CDK14: variants seen among roughly 807,000 people sequenced by gnomAD.
CDK14 encodes the protein cyclin dependent kinase 14.
In CDK14, 34 loss-of-function variants were observed where a neutral mutation model predicts 60.7. The observed-to-expected ratio is 0.56, with a 90% CI of 0.43 to 0.75. The LOEUF is 0.75. Among genes scored for constraint, CDK14 ranks in the 30% least tolerant of loss-of-function variants. The probability of loss-of-function intolerance (pLI) is 0.00; values close to 1 mark genes in which losing one functional copy is unlikely to be tolerated. For synonymous variants in CDK14, 197 were observed against 203.7 expected, an observed-to-expected ratio of 0.97 and a Z score of 0.28; for missense variants, 482 against 564.1, an observed-to-expected ratio of 0.85 and a Z score of 1.47.
chr7:90,947,735 A>G (rs1336676441), intron 8 of CDK14, among the ~76,000 whole-genome samples: 3 of 152,180 alleles, frequency 2.0e-5, no homozygotes, highest in African/African-American at 7.2e-5. Flanking sequence ...TTTAGGAAGG[A>G]AATGGGAAGA....
rs1794002867 is a variant in CDK14 at position 90,943,632 on chromosome 7, A to T, written c.827-12065A>T. 2.6e-5 allele frequency among the ~76,000 whole-genome samples: 4 copies of T among 152,192 alleles called. No homozygotes were observed. The South Asian group carries it at 8.3e-4, about 31-fold the overall frequency. ...TTAATAGACTTGTATTTTTATTTAC[A>T]ATATTCGTGTGCATCATAAACATAT... On this transcript the variant is annotated intron_variant, in intron 8 of 14. Coordinates refer to ENST00000380050, the MANE Select transcript of CDK14 (RefSeq NM_001287135.2).
At chr7:90,748,609 A>G (rs1803690006) in intron 4 of CDK14, among the ~76,000 whole-genome samples, 2 of 152,164 alleles carry the variant, frequency 1.3e-5, no homozygotes, top group South Asian at 2.1e-4. Context: ...CTGAGACAGC[A>G]TTTCGCCCTG....
chr7:90,856,574 A>G (rs1344987844), intron 5 of CDK14, among the ~76,000 whole-genome samples: 2 of 152,178 alleles, frequency 1.3e-5, no homozygotes, highest in African/African-American at 2.4e-5. Flanking sequence ...GCGTACGCAC[A>G]TGTTCTTTCT....
At chr7:91,111,691 G>A (rs967081248) in intron 12 of CDK14, among the ~76,000 whole-genome samples, 19 of 152,124 alleles carry the variant, frequency 1.2e-4, no homozygotes, top group African/African-American at 4.3e-4. Context: ...AGTGTTAAAA[G>A]TGCCTAGGAA....
intron 4 of CDK14, among the ~76,000 whole-genome samples, chr7:90,777,262 G>C (rs1169039796): frequency 6.6e-6 from 1 of 152,140 alleles, no homozygotes; most frequent in Non-Finnish European, 1.5e-5. Context: ...TTTCCAGTAA[G>C]GTGCTGTTTC....
intron 3 of CDK14, among the ~76,000 whole-genome samples, chr7:90,729,571 TCA>T (rs1019418701): frequency 5.3e-5 from 8 of 151,774 alleles, no homozygotes; most frequent in African/African-American, 1.7e-4. Context: ...CTGGAAGTTT[TCA>T]CAGTTTCTCT....
chr7:90,960,300 A>T (rs1794563074), intron 9 of CDK14, among the ~76,000 whole-genome samples: 2 of 152,190 alleles, frequency 1.3e-5, no homozygotes, highest in Admixed American at 1.3e-4. Context: ...TATCAACTAC[A>T]GTACTCCCCA....
intron 14 of CDK14, among the ~76,000 whole-genome samples, chr7:91,168,360 G>T (rs1370022504): frequency 6.6e-6 from 1 of 151,898 alleles, no homozygotes; most frequent in East Asian, 1.9e-4. Flanking sequence ...CTGGCACATA[G>T]GAAACATTTT....
At position 91,209,061 on chromosome 7, in the gene CDK14, A is replaced by G. The variant is rs192242688; in HGVS notation, c.*1925A>G. The G allele has an allele frequency of 6.6e-6, 1 of 152,586 alleles. No individual in the cohort carries two copies. Among genetic ancestry groups the G allele is most frequent in the African/African-American group, 2.4e-5 (1 of 41,434 alleles). 9.5% of individuals were successfully genotyped at this position (152,586 alleles called of 1,614,324 possible). The stretch of plus-strand genomic sequence containing the variant: ...AAACTTTACATGCAATTAAAAATGG[A>G]CTTTCCTGTGATTTGTTTTTAATCA... On this transcript the variant is annotated 3_prime_UTR_variant, in exon 15 of 15. Coordinates refer to ENST00000380050, the MANE Select transcript of CDK14 (RefSeq NM_001287135.2).
At chr7:90,636,907 C>A (rs1422914052) in intron 2 of CDK14, among the ~76,000 whole-genome samples, 1 of 150,852 alleles carries the variant, frequency 6.6e-6, no homozygotes, top group Non-Finnish European at 1.5e-5. Flanking sequence ...TCTAGATTTT[C>A]TAGTTTATTT....
intron 11 of CDK14, 136 bp downstream of exon 11, chr7:91,046,096 G>T (rs1026536843): frequency 2.6e-5 from 16 of 611,488 alleles, no homozygotes; most frequent in Admixed American, 1.1e-4. Context: ...TCTATTAATG[G>T]AATTGTCCTT....
intron 14 of CDK14, among the ~76,000 whole-genome samples, chr7:91,126,052 A>T (rs949332036): frequency 2.0e-5 from 3 of 152,156 alleles, no homozygotes; most frequent in African/African-American, 4.8e-5. Context: ...ATAACACATA[A>T]TTATATTGTA....
intron 2 of CDK14, among the ~76,000 whole-genome samples, chr7:90,626,461 G>A (rs1380469819): frequency 6.6e-6 from 1 of 152,014 alleles, no homozygotes; most frequent in Non-Finnish European, 1.5e-5. Context: ...CAAAATTCAT[G>A]TTTTCTGCAG....
intron 12 of CDK14, among the ~76,000 whole-genome samples, chr7:91,102,617 T>TAA (rs34219319): frequency 1.4e-5 from 2 of 140,096 alleles, no homozygotes; most frequent in African/African-American, 5.3e-5. Flanking sequence ...AACTATAGTG[T>TAA]AAAAAAAAAA....
intron 8 of CDK14, among the ~76,000 whole-genome samples, chr7:90,954,504 A>C (rs1250921900): frequency 6.6e-6 from 1 of 152,098 alleles, no homozygotes; most frequent in Non-Finnish European, 1.5e-5. Flanking sequence ...TTGCACATTC[A>C]TTCCACAAAT....
chr7:91,048,538 A>T (rs1394345433), intron 11 of CDK14, among the ~76,000 whole-genome samples: 1 of 152,224 alleles, frequency 6.6e-6, no homozygotes, highest in African/African-American at 2.4e-5. Context: ...AATAAGGATA[A>T]AGAGCCAACA....
At chr7:90,638,016 A>G (rs985041968) in intron 2 of CDK14, among the ~76,000 whole-genome samples, 1 of 146,702 alleles carries the variant, frequency 6.8e-6, no homozygotes, top group Admixed American at 7.0e-5. Flanking sequence ...TTTTGAGCCT[A>G]TGTGTGTCTC....
At chr7:91,042,257 C>T (rs895524554) in intron 10 of CDK14, among the ~76,000 whole-genome samples, 7 of 152,036 alleles carry the variant, frequency 4.6e-5, no homozygotes, top group African/African-American at 7.3e-5. Flanking sequence ...TCCTTATAAC[C>T]GTATACTCTA....
intron 13 of CDK14, among the ~76,000 whole-genome samples, chr7:91,114,120 G>A (rs1373247957): frequency 6.6e-6 from 1 of 152,080 alleles, no homozygotes; most frequent in Admixed American, 6.6e-5. Context: ...TCAAACATAT[G>A]GTTTGTTTTC....
Sources: gnomAD v4.1 joint callset for allele counts (sites outside exome capture counted in the v4.1 genomes callset) on GRCh38, gnomAD v4.1.1 for gene constraint, MANE v1.5 for transcripts, NCBI Gene and HGNC (gene_info 2026-07-23, HGNC 2026-07-21) for gene names.